ZFY: variants seen among roughly 807,000 people sequenced by gnomAD.
The protein encoded by ZFY is zinc finger Y-chromosomal protein.
For missense variants in ZFY, 113 were observed against 170.9 expected (o/e 0.66, Z 1.89); for synonymous variants, 47 against 55.8 (o/e 0.84, Z 0.71).
chrY:2,949,148 CT>C (rs2051271151), intron 1 of ZFY, among the ~76,000 whole-genome samples: 1 of 30,679 alleles, frequency 3.3e-5, no homozygotes, highest in Non-Finnish European at 7.8e-5. Context: ...TTTTTTTTTC[CT>C]TTTTTTGAGA....
chrY:2,971,737 A>G, intron 3 of ZFY, among the ~76,000 whole-genome samples: 1 of 33,221 alleles, frequency 3.0e-5, no homozygotes, highest in African/African-American at 1.2e-4. Flanking sequence ...AACATTAAAG[A>G]TTGCACTAGA....
intron 1 of ZFY, among the ~76,000 whole-genome samples, chrY:2,943,035 C>A (rs977059865): frequency 9.0e-5 from 3 of 33,479 alleles, no homozygotes; most frequent in Non-Finnish European, 1.5e-4. Context: ...CTTTCAGCAA[C>A]CTTGCTGAAA....
intron 1 of ZFY, among the ~76,000 whole-genome samples, chrY:2,941,254 A>C: frequency 3.0e-5 from 1 of 33,586 alleles, no homozygotes; most frequent in Non-Finnish European, 7.4e-5. Flanking sequence ...TATAGTTTAT[A>C]AATGTACTGT....
intron 1 of ZFY, among the ~76,000 whole-genome samples, chrY:2,936,282 G>A: frequency 2.9e-5 from 1 of 34,039 alleles, no homozygotes; most frequent in Non-Finnish European, 7.4e-5. Context: ...GGCAATTCGG[G>A]CATCTAGGCT....
chrY:2,966,403 GA>G (rs2051327919), intron 3 of ZFY, among the ~76,000 whole-genome samples: 1 of 33,344 alleles, frequency 3.0e-5, no homozygotes, highest in Non-Finnish European at 7.4e-5. Context: ...CTCAAAAGTA[GA>G]TTTAAACAGG....
intron 2 of ZFY, 55 bp from the exon 3 acceptor site, chrY:2,961,019 T>C: frequency 3.2e-6 from 1 of 309,688 alleles, no homozygotes; most frequent in Non-Finnish European, 4.9e-6. Flanking sequence ...ATAAAAACTA[T>C]ATTTAGTCAT....
intron 2 of ZFY, among the ~76,000 whole-genome samples, chrY:2,955,385 T>C: frequency 3.0e-5 from 1 of 33,894 alleles, no homozygotes; most frequent in Non-Finnish European, 7.3e-5. Context: ...GTGCAACTCC[T>C]GGGACATAAT....
At chrY:2,938,765 A>G (rs2051226106) in intron 1 of ZFY, among the ~76,000 whole-genome samples, 1 of 28,725 alleles carries the variant, frequency 3.5e-5, no homozygotes, top group Non-Finnish European at 8.2e-5. Flanking sequence ...TTTCGTAGAA[A>G]TGGGGTTTCG....
intron 1 of ZFY, among the ~76,000 whole-genome samples, chrY:2,953,215 AC>A (rs2051283450): frequency 3.2e-5 from 1 of 31,527 alleles, no homozygotes; most frequent in East Asian, 8.3e-4. Flanking sequence ...GGTGACACAT[AC>A]TTGTAGTCCC....
intron 1 of ZFY, among the ~76,000 whole-genome samples, chrY:2,952,408 AAG>A (rs2051281874): frequency 5.9e-5 from 2 of 33,727 alleles, no homozygotes; most frequent in Non-Finnish European, 1.5e-4. Flanking sequence ...ACATTTTTTT[AAG>A]AGGGGAAAAA....
In ZFY at chrY:2,980,321, A is replaced by C; in HGVS notation, c.*328A>C. ...TGGTACTCTTCTAAGACAAAATCAGATTGATAACTATGAAAGTAACATTTT... is the reference window on the plus strand; with the variant it reads ...TGGTACTCTTCTAAGACAAAATCAGCTTGATAACTATGAAAGTAACATTTT... On this transcript the variant is annotated 3_prime_UTR_variant, in exon 8 of 8. Transcript: ENST00000155093. 1.5e-5 allele frequency: 1 copy of C among 67,916 alleles called. No individual in the cohort carries two copies. The highest frequency in any genetic ancestry group is 1.1e-4 in the South Asian group (1 of 9,086). 16.9% of individuals were successfully genotyped at this position (67,916 alleles called of 400,897 possible).
chrY:2,976,009 G>A (rs2051368053), intron 5 of ZFY, among the ~76,000 whole-genome samples: 2 of 32,603 alleles, frequency 6.1e-5, no homozygotes, highest in African/African-American at 2.4e-4. Context: ...CAAAGGACAT[G>A]AGCTTATTCT....
chrY:2,946,273 C>G, intron 1 of ZFY, among the ~76,000 whole-genome samples: 1 of 32,696 alleles, frequency 3.1e-5, no homozygotes, highest in Non-Finnish European at 7.5e-5. Flanking sequence ...TAAACATAAC[C>G]CATTGAGTGA....
chrY:2,935,739 G>A lies in ZFY; in HGVS notation c.-59G>A. ...CACTGCGGACGCAGGGCACGGCACG[G>A]GGGCGAGAAGGCGAAGGCTGCAGGC... On this transcript the variant is annotated 5_prime_UTR_variant, in exon 1 of 8. Transcript: ENST00000155093. 2.9e-5 allele frequency: 1 copy of A among 34,730 alleles called. No individual in the cohort carries two copies. 8.7% of individuals were successfully genotyped at this position (34,730 alleles called of 400,897 possible). A position where few individuals can be genotyped will look rare whatever the true frequency, so the allele number is the denominator to read the frequency against.
Position 2,978,094 on chromosome Y carries a change from G to C in ZFY, c.1222+14G>C. Reference sequence around the variant, plus strand: ...AGTACCAAACAGGTGAGTTCCACAGGGGTGTTATGATGGAGTTTTAGCTAG... The same window carrying C: ...AGTACCAAACAGGTGAGTTCCACAGCGGTGTTATGATGGAGTTTTAGCTAG... On this transcript the variant is annotated intron_variant, in intron 7 of 7. Coordinates refer to ENST00000155093, the MANE Select transcript of ZFY (RefSeq NM_003411.4). The C allele has an allele frequency of 2.6e-6, 1 of 384,452 alleles. No homozygotes were observed. Among genetic ancestry groups the C allele is most frequent in the Non-Finnish European group, 3.6e-6 (1 of 277,372 alleles).
At chrY:2,954,781 C>T (rs1047468394) in intron 2 of ZFY, among the ~76,000 whole-genome samples, 7 of 32,060 alleles carry the variant, frequency 2.2e-4, no homozygotes, top group Admixed American at 1.4e-3. Flanking sequence ...CTCTTGACTT[C>T]GAAGAATATC....
chrY:2,959,368 C>T (rs375483917), intron 2 of ZFY, among the ~76,000 whole-genome samples: 1,291 of 33,145 alleles, frequency 0.039, no homozygotes, highest in Middle Eastern at 0.29. Context: ...CTGTGAGGTG[C>T]GCATGACAGA....
At chrY:2,973,063 C>CTT in intron 3 of ZFY, among the ~76,000 whole-genome samples, 1 of 24,821 alleles carries the variant, frequency 4.0e-5, no homozygotes, top group Non-Finnish European at 9.6e-5. Context: ...GGGTCCATTA[C>CTT]TTTTTTTTTT....
intron 6 of ZFY, 29 bp from the exon 7 acceptor site, chrY:2,977,911 T>C: frequency 2.6e-6 from 1 of 387,236 alleles, no homozygotes; most frequent in Non-Finnish European, 3.6e-6. Flanking sequence ...TAATGTTGTG[T>C]AATTCTGTGT....
Sources: allele counts gnomAD v4.1 joint callset (sites outside exome capture counted in the v4.1 genomes callset), GRCh38; gene constraint gnomAD v4.1.1; transcripts MANE v1.5; gene names NCBI Gene and HGNC (gene_info 2026-07-23, HGNC 2026-07-21).